The following ANGPT4 variants were observed in gnomAD, a reference collection of about 807,000 sequenced individuals.
The protein encoded by ANGPT4 is angiopoietin 4, also known as angiopoietin-4.
In ANGPT4, 50 loss-of-function variants were observed where a neutral mutation model predicts 53.0. That is an observed-to-expected ratio of 0.94 (90% CI 0.75 to 1.20). The LOEUF (loss-of-function observed/expected upper bound fraction) is 1.20, where lower values mean the gene tolerates loss of function less well. Ranked by LOEUF, ANGPT4 falls within the 50% of genes most tolerant of loss-of-function variation. The pLI is 0.00. For synonymous variants in ANGPT4, 251 were observed against 259.7 expected, an observed-to-expected ratio of 0.97 and a Z score of 0.32; for missense variants, 648 against 637.1, an observed-to-expected ratio of 1.02 and a Z score of -0.18.
At chr20:881,810 G>A (rs567995766) in intron 4 of ANGPT4, among the ~76,000 whole-genome samples, 2 of 152,362 alleles carry the variant, frequency 1.3e-5, no homozygotes, top group East Asian at 3.9e-4. Context: ...AGAGCACTCT[G>A]TCCAGAGTGT....
At position 874,402 on chromosome 20, in the gene ANGPT4, G is replaced by T. The variant is rs764712383; in HGVS notation, c.1233C>A (p.Val411=). 1 of 1,613,520 alleles carries T rather than the reference G, an allele frequency of 6.2e-7. No individual in the cohort carries two copies. The highest frequency in any genetic ancestry group is 8.5e-7 in the Non-Finnish European group (1 of 1,179,998). The part of the protein sequence containing the change: ...SENQLYRLSV[V]GYSGSAGRQS... ...GGCGCCCTGCTGAGCCGCTGTACCC[G>T]ACCACAGAAAGCCTGGAGGCCACCC... Residue 411 remains valine, a synonymous_variant, in exon 8 of 9, where the codon GTC becomes GTA. Transcript: ENST00000381922.
chr20:913,905 T>C (rs74453542), intron 1 of ANGPT4, among the ~76,000 whole-genome samples: 28,787 of 151,800 alleles, frequency 0.19, 3,423 homozygotes, highest in Non-Finnish European at 0.26. Flanking sequence ...GAGGAGGGTG[T>C]TTGGAGAAGA....
intron 6 of ANGPT4, 46 bp downstream of exon 6, chr20:879,701 C>T (rs774106865): frequency 1.3e-5 from 20 of 1,555,778 alleles, no homozygotes; most frequent in Non-Finnish European, 1.7e-5. Context: ...AGCCCCAGCC[C>T]CAGGTTTCAG....
chr20:873,067 C>G lies in ANGPT4; in HGVS notation c.1405G>C (p.Ala469Pro), dbSNP rs1981010044. ...TCCATCTTGTACTTGTTGTCGGGAGCGTGGTAGTAGACGCCGTTGAGGTTT... is the reference window on the plus strand; with the variant it reads ...TCCATCTTGTACTTGTTGTCGGGAGGGTGGTAGTAGACGCCGTTGAGGTTT... ...LSNLNGVYYH[A>P]PDNKYKMDGI... The change falls in exon 9 of 9, where the codon GCT becomes CCT. Residue 469 changes from alanine (A) to proline (P), a missense_variant. Physicochemically the swap from Ala to Pro is conservative, Grantham distance 27. Coordinates refer to ENST00000381922, the MANE Select transcript of ANGPT4 (RefSeq NM_015985.4). 6.2e-7 allele frequency: 1 copy of G among 1,613,980 alleles called. No individual in the cohort carries two copies.
intron 1 of ANGPT4, among the ~76,000 whole-genome samples, chr20:897,735 C>G (rs1487684564): frequency 2.0e-5 from 3 of 152,174 alleles, no homozygotes; most frequent in Admixed American, 6.5e-5. Context: ...CTCCGTGTCT[C>G]TAGCTTTCTC....
rs1221705213 is a variant in ANGPT4, at chr20:908,350, C to G, written c.309+7556G>C. Among the ~76,000 whole-genome samples the G allele has an allele frequency of 6.6e-6, 1 of 152,190 alleles. No individual in the cohort carries two copies. Among genetic ancestry groups the G allele is most frequent in the African/African-American group, 2.4e-5 (1 of 41,434 alleles). Reference sequence around the variant, plus strand: ...GAATGCCTTTTGCTTTTGGCCCATTCTACCCCCAGGGCCTTTGCACTTGCT... The same window carrying G: ...GAATGCCTTTTGCTTTTGGCCCATTGTACCCCCAGGGCCTTTGCACTTGCT... On this transcript the variant is annotated intron_variant, in intron 1 of 8. Coordinates refer to ENST00000381922, the MANE Select transcript of ANGPT4 (RefSeq NM_015985.4). This position sits in a 1 kb window ranked among gnomAD's most constrained non-coding sequence, Gnocchi z 4.9.
intron 2 of ANGPT4, among the ~76,000 whole-genome samples, chr20:889,328 G>A (rs1981746827): frequency 6.6e-6 from 1 of 152,198 alleles, no homozygotes; most frequent in Non-Finnish European, 1.5e-5. Flanking sequence ...TCGTCATTGT[G>A]CAAACATCAT....
intron 1 of ANGPT4, among the ~76,000 whole-genome samples, chr20:896,058 A>C (rs1982036250): frequency 1.3e-5 from 2 of 152,184 alleles, no homozygotes; most frequent in Admixed American, 6.5e-5. Context: ...GTCATACCTC[A>C]GTAAAAAACA....
Position 878,277 on chromosome 20 carries a change from G to T in ANGPT4, c.1104C>A (p.His368Gln). The T allele has an allele frequency of 6.2e-7, 1 of 1,611,212 alleles. No individual in the cohort carries two copies. Among genetic ancestry groups the T allele is most frequent in the Non-Finnish European group, 8.5e-7 (1 of 1,178,616 alleles). The change falls in exon 7 of 9, where the codon CAC becomes CAA. Residue 368 changes from histidine (H) to glutamine (Q), a missense_variant. By Grantham distance (24) the His-to-Gln change is conservative. Coordinates refer to ENST00000381922, the MANE Select transcript of ANGPT4 (RefSeq NM_015985.4). The part of the protein sequence containing the change: ...GEHWLGNEVV[H>Q]QLTRRAAYSL... ...AGTAGGCTGCCCTTCTGGTGAGCTG[G>T]TGCACCACTTCATTGCCCAGCCAGT...
In ANGPT4 at chr20:878,288, C is replaced by T; in HGVS notation, c.1093G>A (p.Glu365Lys). The T allele has an allele frequency of 6.2e-7, 1 of 1,610,492 alleles. No individual in the cohort carries two copies. Among genetic ancestry groups the T allele is most frequent in the African/African-American group, 1.3e-5 (1 of 75,038 alleles). Residue 365 changes from glutamate (E) to lysine (K), a missense_variant, in exon 7 of 9, where the codon GAA becomes AAA. Physicochemically the swap from Glu to Lys is moderately conservative, Grantham distance 56 (BLOSUM62 1). Transcript: ENST00000381922. Reference protein sequence around the residue: ...DPAGEHWLGNEVVHQLTRRAA... With the variant: ...DPAGEHWLGNKVVHQLTRRAA... ...CTTCTGGTGAGCTGGTGCACCACTTCATTGCCCAGCCAGTGCTCCCCAGCT... is the reference window on the plus strand; with the variant it reads ...CTTCTGGTGAGCTGGTGCACCACTTTATTGCCCAGCCAGTGCTCCCCAGCT...
intron 4 of ANGPT4, among the ~76,000 whole-genome samples, chr20:883,959 G>A (rs1156576192): frequency 6.6e-6 from 1 of 152,230 alleles, no homozygotes. Flanking sequence ...CTGCCAGACT[G>A]AGATGGAGCC....
rs1431000467 is a variant in ANGPT4, at chr20:870,504, G to A, written c.*2456C>T. The A allele has an allele frequency of 6.6e-6, 1 of 152,142 alleles. No homozygotes were observed. Among genetic ancestry groups the A allele is most frequent in the East Asian group, 1.9e-4 (1 of 5,194 alleles). 9.4% of individuals were successfully genotyped at this position (152,142 alleles called of 1,614,324 possible). On this transcript the variant is annotated 3_prime_UTR_variant, in exon 9 of 9. Transcript: ENST00000381922. ...ATCATGCCACTGCACTCCAGCCTGG[G>A]TGACAGAGTGAGACTCTGTCTCAAA...
chr20:899,247 C>CA (rs35583469), intron 1 of ANGPT4, among the ~76,000 whole-genome samples: 30,976 of 149,478 alleles, frequency 0.21, 3,849 homozygotes, highest in Middle Eastern at 0.34. Context: ...CCAACTGGGA[C>CA]AAAATTTTTT....
chr20:891,214 G>C (rs1004248955), intron 1 of ANGPT4, among the ~76,000 whole-genome samples: 4 of 152,244 alleles, frequency 2.6e-5, no homozygotes, highest in African/African-American at 9.6e-5. Flanking sequence ...GAGTCAGCCA[G>C]CAGGGAGTGG....
intron 1 of ANGPT4, among the ~76,000 whole-genome samples, chr20:892,848 A>C (rs1316471915): frequency 6.6e-6 from 1 of 152,066 alleles, no homozygotes; most frequent in Admixed American, 6.5e-5. Flanking sequence ...TTCGCTCTTT[A>C]ATTCACCTTG....
Position 885,189 on chromosome 20 carries a change from G to A in ANGPT4, c.724C>T (p.Arg242Cys), listed in dbSNP as rs1178526471. The part of the protein sequence containing the change: ...AALTNIERGL[R>C]GVRHNSSLLQ... ...AGGCTGGAGTTGTGCCTGACACCGC[G>A]CAGGCCGCGCTCGATGTTGGTGAGG... The change falls in exon 4 of 9, where the codon CGC becomes TGC. Residue 242 changes from arginine (R) to cysteine (C), a missense_variant. Physicochemically the swap from Arg to Cys is radical, Grantham distance 180. Transcript: ENST00000381922. 2 of 1,602,382 alleles carry A rather than the reference G, an allele frequency of 1.2e-6. No homozygotes were observed. Among genetic ancestry groups the A allele is most frequent in the East Asian group, 4.5e-5 (2 of 44,426 alleles).
chr20:874,005 C>T (rs542286419), intron 8 of ANGPT4, among the ~76,000 whole-genome samples: 46 of 152,234 alleles, frequency 3.0e-4, no homozygotes, highest in Admixed American at 2.1e-3. Context: ...AGGGTGCCTC[C>T]CCCCCGGGGC....
chr20:878,189 G>A lies in ANGPT4; in HGVS notation c.1192C>T (p.His398Tyr). ...HEAYAQYEHF[H>Y]LGSENQLYRL... Reference sequence around the variant, plus strand: ...TATAGCTGGTTCTCACTGCCCAGGTGGAAATGTTCGTACTGGGCATAGGCC... The same window carrying A: ...TATAGCTGGTTCTCACTGCCCAGGTAGAAATGTTCGTACTGGGCATAGGCC... Residue 398 changes from histidine to tyrosine, a missense_variant, in exon 7 of 9, where the codon CAC becomes TAC. His to Tyr is a moderately conservative substitution (Grantham distance 83). Coordinates refer to ENST00000381922, the MANE Select transcript of ANGPT4 (RefSeq NM_015985.4). 6.2e-7 allele frequency: 1 copy of A among 1,602,930 alleles called. No individual in the cohort carries two copies. The highest frequency in any genetic ancestry group is 1.1e-5 in the South Asian group (1 of 90,834).
chr20:874,249 T>C, intron 8 of ANGPT4, 35 bp downstream of exon 8: 1 of 1,612,026 alleles, frequency 6.2e-7, no homozygotes, highest in Non-Finnish European at 8.5e-7. Flanking sequence ...GGTGAGCCTG[T>C]GGGTGGGCGG....
Sources: gnomAD v4.1 joint callset for allele counts (sites outside exome capture counted in the v4.1 genomes callset) on GRCh38, gnomAD v4.1.1 for gene constraint, Gnocchi (gnomAD v3.1) non-coding constraint, MANE v1.5 for transcripts, NCBI Gene and HGNC (gene_info 2026-07-23, HGNC 2026-07-21) for gene names.